Variants in RAD54L2 observed in about 807,000 individuals in gnomAD.
RAD54L2 encodes the protein RAD54 like 2.
RAD54L2 carries 27 observed loss-of-function variants against 138.4 expected under a neutral mutation model. The observed-to-expected ratio is 0.20, with a 90% CI of 0.14 to 0.27. The LOEUF (loss-of-function observed/expected upper bound fraction) is 0.27, where lower values mean the gene tolerates loss of function less well. RAD54L2 is among the 10% of genes least tolerant of loss of function. The pLI is 1.00. For synonymous variants in RAD54L2, 644 were observed against 723.2 expected (o/e 0.89, Z 1.76); for missense variants, 1,396 against 1,890.2 (o/e 0.74, Z 4.85).
At chr3:51,566,465 C>CTTTT (rs1699219216) in intron 2 of RAD54L2, among the ~76,000 whole-genome samples, 1 of 41,464 alleles carries the variant, frequency 2.4e-5, no homozygotes, top group Non-Finnish European at 4.1e-5. Flanking sequence ...GCCTTTTCTG[C>CTTTT]GTTTTTTTTT....
intron 2 of RAD54L2, among the ~76,000 whole-genome samples, chr3:51,560,199 C>G (rs972969015): frequency 3.3e-5 from 5 of 152,066 alleles, no homozygotes; most frequent in Non-Finnish European, 1.5e-5. Context: ...TGGTTTTCAA[C>G]CTGGGCTTGT....
intron 5 of RAD54L2, 54 bp from the exon 6 acceptor site, chr3:51,630,218 T>C (rs1700803455): frequency 7.2e-7 from 1 of 1,397,602 alleles, no homozygotes. Flanking sequence ...TTGGGAAATA[T>C]GTTAGAGCCA....
intron 2 of RAD54L2, among the ~76,000 whole-genome samples, chr3:51,588,916 T>C (rs963122018): frequency 1.3e-5 from 2 of 152,146 alleles, no homozygotes; most frequent in Non-Finnish European, 2.9e-5. Flanking sequence ...TCCCTCAAGA[T>C]GTCTTTACGG....
chr3:51,622,092 A>T (rs1156376021), intron 3 of RAD54L2, among the ~76,000 whole-genome samples: 1 of 152,194 alleles, frequency 6.6e-6, no homozygotes, highest in Non-Finnish European at 1.5e-5. Flanking sequence ...TTAAAGGAAA[A>T]CAGGGAATTG....
At chr3:51,658,579 C>A (rs1196867369) in intron 21 of RAD54L2, among the ~76,000 whole-genome samples, 1 of 152,144 alleles carries the variant, frequency 6.6e-6, no homozygotes, top group Non-Finnish European at 1.5e-5. Flanking sequence ...TCTATCCAAG[C>A]CTGTTTTACA....
Position 51,630,749 on chromosome 3 carries a change from G to T in RAD54L2, c.643G>T (p.Val215Leu). The change falls in exon 7 of 23, where the codon GTG becomes TTG. Residue 215 changes from valine (V) to leucine (L), a missense_variant. Physicochemically the swap from Val to Leu is conservative, Grantham distance 32. Around this residue, in one of 7 missense-constraint regions of RAD54L2, gnomAD observed 256 missense variants for 344.6 expected, o/e 0.74. Coordinates refer to ENST00000684192, the MANE Select transcript of RAD54L2 (RefSeq NM_015106.4). ...TGGAGAGGAGGACACTCTGCACATT[G>T]TGGACAGCAGTGAATCTGTCAGTGA... The part of the protein sequence containing the change: ...SSGEEDTLHI[V>L]DSSESVSEDD... 1 of 1,614,020 alleles carries T rather than the reference G, an allele frequency of 6.2e-7. No individual in the cohort carries two copies. Among genetic ancestry groups the T allele is most frequent in the Non-Finnish European group, 8.5e-7 (1 of 1,179,886 alleles).
At chr3:51,631,683 C>T (rs1700847490) in intron 7 of RAD54L2, among the ~76,000 whole-genome samples, 1 of 151,918 alleles carries the variant, frequency 6.6e-6, no homozygotes, top group African/African-American at 2.4e-5. Flanking sequence ...TGCTCTGTCG[C>T]CCAGGCTGGA....
chr3:51,576,271 G>A (rs548150618), intron 2 of RAD54L2, among the ~76,000 whole-genome samples: 10 of 152,190 alleles, frequency 6.6e-5, no homozygotes, highest in Admixed American at 1.3e-4. Context: ...GAGGATTTTT[G>A]CATCGATGTT....
At chr3:51,595,113 G>A (rs753545045) in intron 3 of RAD54L2, among the ~76,000 whole-genome samples, 3 of 152,048 alleles carry the variant, frequency 2.0e-5, no homozygotes, top group Admixed American at 6.6e-5. Flanking sequence ...TAATCCACAC[G>A]CCTCAGCCTC....
intron 1 of RAD54L2, among the ~76,000 whole-genome samples, chr3:51,540,060 C>A (rs1445380981): frequency 6.6e-6 from 1 of 152,196 alleles, no homozygotes; most frequent in Non-Finnish European, 1.5e-5. Flanking sequence ...ACTTTCTTTT[C>A]AGCACTGTGG....
intron 2 of RAD54L2, among the ~76,000 whole-genome samples, chr3:51,578,595 C>G (rs1356870761): frequency 6.6e-6 from 1 of 152,132 alleles, no homozygotes; most frequent in Non-Finnish European, 1.5e-5. Flanking sequence ...TACATGGGGA[C>G]TAGCAGGAGT....
At chr3:51,640,032 G>A (rs1453975392) in intron 14 of RAD54L2, 33 bp downstream of exon 14, 1 of 1,492,198 alleles carries the variant, frequency 6.7e-7, no homozygotes, top group Non-Finnish European at 9.2e-7. Flanking sequence ...GAGGCTGTGT[G>A]TCTATGGTAA....
intron 2 of RAD54L2, among the ~76,000 whole-genome samples, chr3:51,553,664 A>C (rs1268666784): frequency 2.6e-5 from 4 of 152,120 alleles, no homozygotes; most frequent in Admixed American, 6.6e-5. Context: ...CTGTCTCTAC[A>C]AAACGTTTTA....
At chr3:51,566,005 T>C (rs1006129481) in intron 2 of RAD54L2, among the ~76,000 whole-genome samples, 1 of 151,840 alleles carries the variant, frequency 6.6e-6, no homozygotes, top group African/African-American at 2.4e-5. Context: ...ATTTTTTGTA[T>C]TTTTAGTAGA....
rs1700999336 is a variant in RAD54L2 at position 51,637,079 on chromosome 3, C to G, written c.1340-82C>G. 5 of 1,228,274 alleles carry G rather than the reference C, an allele frequency of 4.1e-6. No homozygotes were observed. In the Admixed American group the frequency reaches 1.0e-4, roughly 24 times the overall value. 76.1% of individuals were successfully genotyped at this position (1,228,274 alleles called of 1,614,324 possible). On this transcript the variant is annotated intron_variant, in intron 10 of 22. Coordinates refer to ENST00000684192, the MANE Select transcript of RAD54L2 (RefSeq NM_015106.4). The surrounding 1 kb of genome is among the most constrained non-coding windows in gnomAD (Gnocchi z 5.9). ...CTTCCTTCATTTCTTCTGTCTCCTC[C>G]AGGGTGCACCCCTACTTCTCATATT...
intron 3 of RAD54L2, among the ~76,000 whole-genome samples, chr3:51,591,096 A>G (rs1273497250): frequency 6.6e-6 from 1 of 152,170 alleles, no homozygotes; most frequent in African/African-American, 2.4e-5. Flanking sequence ...GTGACTATAA[A>G]TTGCCCCTAC....
chr3:51,652,118 T>C (rs1701454806), intron 19 of RAD54L2, among the ~76,000 whole-genome samples: 1 of 152,130 alleles, frequency 6.6e-6, no homozygotes. Flanking sequence ...TGTGCAAAAA[T>C]CACAAGCATT....
intron 3 of RAD54L2, among the ~76,000 whole-genome samples, chr3:51,607,361 C>T (rs1319950530): frequency 2.0e-5 from 3 of 152,004 alleles, no homozygotes; most frequent in Admixed American, 6.6e-5. Flanking sequence ...CATCTTGCAC[C>T]GCCCTTAATC....
intron 3 of RAD54L2, among the ~76,000 whole-genome samples, chr3:51,604,982 C>A (rs1310877811): frequency 1.3e-5 from 2 of 151,860 alleles, no homozygotes; most frequent in Non-Finnish European, 2.9e-5. Flanking sequence ...AGTACAGTGG[C>A]GTGATCTCGG....
Sources: gnomAD v4.1 joint callset for allele counts (sites outside exome capture counted in the v4.1 genomes callset) on GRCh38, gnomAD v4.1.1 for gene constraint, gnomAD v4.1.1 regional missense constraint, Gnocchi (gnomAD v3.1) non-coding constraint, MANE v1.5 for transcripts, NCBI Gene and HGNC (gene_info 2026-07-23, HGNC 2026-07-21) for gene names.